The following NEB variants were observed in gnomAD, a reference collection of about 807,000 sequenced individuals.
NEB encodes the protein nemaline myopathy type 2.
Under a neutral mutation model 952.2 loss-of-function variants are expected in NEB, and 512 were observed. The observed-to-expected ratio is 0.54, with a 90% confidence interval of 0.50 to 0.58. NEB has a LOEUF of 0.58. Among genes scored for constraint, NEB ranks in the 20% least tolerant of loss-of-function variants. The probability of loss-of-function intolerance (pLI) is 0.00; values close to 1 mark genes in which losing one functional copy is unlikely to be tolerated. For missense variants in NEB, 8,428 were observed against 9,231.1 expected (o/e 0.91, Z 3.56); for synonymous variants, 2,900 against 3,149.8 (o/e 0.92, Z 2.66).
At chr2:151,677,228 T>A (rs189775542) in intron 34 of NEB, among the ~76,000 whole-genome samples, 2 of 152,340 alleles carry the variant, frequency 1.3e-5, no homozygotes, top group East Asian at 3.9e-4. Context: ...CAATAAAGTG[T>A]CTGGGATTTA....
At chr2:151,639,627 T>C (rs1308041304) in intron 62 of NEB, among the ~76,000 whole-genome samples, 2 of 152,222 alleles carry the variant, frequency 1.3e-5, no homozygotes, top group African/African-American at 4.8e-5. Context: ...TTATGCAGAC[T>C]ATTTTTTGAT....
At chr2:151,721,239 T>C (rs939680047) in intron 9 of NEB, among the ~76,000 whole-genome samples, 84 of 152,356 alleles carry the variant, frequency 5.5e-4, no homozygotes, top group African/African-American at 2.0e-3. Context: ...TCATCAAAAT[T>C]ACTCCAGATT....
intron 156 of NEB, 53 bp downstream of exon 156, chr2:151,518,265 T>C (rs942118274): frequency 3.1e-6 from 4 of 1,286,872 alleles, no homozygotes; most frequent in African/African-American, 2.9e-5. Flanking sequence ...TTTTTTCACA[T>C]TGTACTGTGG....
intron 172 of NEB, 151 bp downstream of exon 172, chr2:151,496,790 A>G (rs767228123): frequency 1.9e-6 from 2 of 1,066,714 alleles, no homozygotes; most frequent in Non-Finnish European, 2.7e-6. Context: ...GTGTTAGGCT[A>G]GAAGTAGCCC....
intron 130 of NEB, among the ~76,000 whole-genome samples, chr2:151,549,269 TC>T (rs2095083364): frequency 6.6e-6 from 1 of 152,180 alleles, no homozygotes; most frequent in African/African-American, 2.4e-5. Flanking sequence ...GACAATACTA[TC>T]ACCACACCTC....
chr2:151,723,377 C>T lies in NEB; in HGVS notation c.717+5G>A, dbSNP rs1412295039. The T allele has an allele frequency of 4.4e-6, 7 of 1,601,378 alleles. No homozygotes were observed. Among genetic ancestry groups the T allele is most frequent in the Non-Finnish European group, 4.3e-6 (5 of 1,173,340 alleles). Reference sequence around the variant, plus strand: ...CCTAAGTGGTGCCACTTGCATTTCACTTACATCACTGAGAGCTTTCTGGGC... The same window carrying T: ...CCTAAGTGGTGCCACTTGCATTTCATTTACATCACTGAGAGCTTTCTGGGC... On this transcript the variant is annotated splice_donor_5th_base_variant and intron_variant, in intron 9 of 181. Coordinates refer to ENST00000397345, the MANE Select transcript of NEB (RefSeq NM_001164508.2).
intron 160 of NEB, 119 bp downstream of exon 160, chr2:151,513,461 C>T: frequency 1.4e-6 from 1 of 726,474 alleles, no homozygotes; most frequent in Non-Finnish European, 2.3e-6. Flanking sequence ...GGCAGATGTT[C>T]AAGAATGCCA....
intron 130 of NEB, among the ~76,000 whole-genome samples, chr2:151,548,905 C>T (rs889554506): frequency 3.3e-5 from 5 of 152,108 alleles, no homozygotes; most frequent in African/African-American, 1.2e-4. Flanking sequence ...AGGTTTGATT[C>T]CCAGGAATAT....
Position 151,717,437 on chromosome 2 carries a change from T to G in NEB, c.801A>C (p.Lys267Asn), listed in dbSNP as rs1362281300. The change falls in exon 10 of 182, where the codon AAA becomes AAC. Residue 267 changes from lysine (K) to asparagine (N), a missense_variant. Around this residue, in one of 11 missense-constraint regions of NEB, gnomAD observed 2,851 missense variants for 2,791.5 expected, o/e 1.02. Transcript: ENST00000397345. ...TTACCTTGCTCACTTGATTGGTTAC[T>G]TTCTTGGCAAATTCTATATCTGGAG... ...ADPPDIEFAKKVTNQVSKQKY... is the reference protein window; with the variant it reads ...ADPPDIEFAKNVTNQVSKQKY... 6.2e-7 allele frequency: 1 copy of G among 1,613,588 alleles called. No homozygotes were observed. The highest frequency in any genetic ancestry group is 1.3e-5 in the African/African-American group (1 of 75,070).
chr2:151,627,931 T>C (rs574324297), intron 68 of NEB, 97 bp from the exon 69 acceptor site: 251 of 1,425,714 alleles, frequency 1.8e-4, no homozygotes, highest in Non-Finnish European at 2.2e-4. Flanking sequence ...TGCTAATTCT[T>C]GCAGAGTAAT....
intron 13 of NEB, among the ~76,000 whole-genome samples, chr2:151,702,590 T>C (rs1360606093): frequency 6.6e-6 from 1 of 151,728 alleles, no homozygotes; most frequent in Non-Finnish European, 1.5e-5. Context: ...TTAGCTCTTC[T>C]TGTGGAATTG....
At chr2:151,577,191 C>T (rs891557679) in intron 105 of NEB, among the ~76,000 whole-genome samples, 5 of 152,134 alleles carry the variant, frequency 3.3e-5, no homozygotes, top group African/African-American at 4.8e-5. Context: ...TATGGCTTCC[C>T]ATCGGTCATA....
intron 72 of NEB, 56 bp downstream of exon 72, chr2:151,620,863 G>C: frequency 7.6e-7 from 1 of 1,323,484 alleles, no homozygotes; most frequent in Non-Finnish European, 1.1e-6. Flanking sequence ...ACATCCAGCT[G>C]TATTCTGTGT....
chr2:151,627,101 A>G lies in NEB; in HGVS notation c.10248T>C (p.Asp3416=). 6.2e-7 allele frequency: 1 copy of G among 1,613,954 alleles called. No homozygotes were observed. Among genetic ancestry groups the G allele is most frequent in the Non-Finnish European group, 8.5e-7 (1 of 1,179,860 alleles). The change falls in exon 70 of 182, where the codon GAT becomes GAC. Residue 3416 remains aspartate, a synonymous_variant. Coordinates refer to ENST00000397345, the MANE Select transcript of NEB (RefSeq NM_001164508.2). ...TGTCCGGAGGCTGGCGGTAGATGTT[A>G]TCACTCAGTATTTCAGCAGCTCTCT... ...KCKRAAEILS[D]NIYRQPPDKL...
intron 46 of NEB, among the ~76,000 whole-genome samples, chr2:151,661,237 A>C (rs1259622616): frequency 6.6e-6 from 1 of 152,176 alleles, no homozygotes; most frequent in Non-Finnish European, 1.5e-5. Flanking sequence ...CACTGAAAAA[A>C]ATAGATATCC....
intron 175 of NEB, 43 bp from the exon 176 acceptor site, chr2:151,493,488 AC>A (rs776869237): frequency 7.5e-7 from 1 of 1,337,602 alleles, no homozygotes; most frequent in African/African-American, 1.5e-5. Flanking sequence ...ACAGCAGAAA[AC>A]CAGGTCTGAA....
intron 42 of NEB, 41 bp downstream of exon 42, chr2:151,665,292 C>T: frequency 6.3e-7 from 1 of 1,588,402 alleles, no homozygotes; most frequent in Non-Finnish European, 8.6e-7. Context: ...TCATGAACAC[C>T]ATGAGGGTTC....
intron 142 of NEB, 27 bp from the exon 143 acceptor site, chr2:151,533,573 C>G: frequency 1.5e-6 from 2 of 1,368,100 alleles, no homozygotes; most frequent in Non-Finnish European, 2.0e-6. Flanking sequence ...CAGTGAAGCA[C>G]AAAAGAGACT....
At position 151,492,492 on chromosome 2, in the gene NEB, A is replaced by G; in HGVS notation, c.24768T>C (p.Val8256=). The G allele has an allele frequency of 6.2e-7, 1 of 1,607,918 alleles. No individual in the cohort carries two copies. The highest frequency in any genetic ancestry group is 8.5e-7 in the Non-Finnish European group (1 of 1,174,836). ...GTTTCCGGAAACTATCAGAATAAAGAACCTGATGCAGGAGAGACCGTGAAT... is the reference window on the plus strand; with the variant it reads ...GTTTCCGGAAACTATCAGAATAAAGGACCTGATGCAGGAGAGACCGTGAAT... The part of the protein sequence containing the change: ...AKRNQENISS[V]LYSDSFRKQI... Residue 8256 remains valine, a splice_region_variant and synonymous_variant, in exon 177 of 182, where the codon GTT becomes GTC. Transcript: ENST00000397345.
Sources: gnomAD v4.1 joint callset for allele counts (sites outside exome capture counted in the v4.1 genomes callset) on GRCh38, gnomAD v4.1.1 for gene constraint, gnomAD v4.1.1 regional missense constraint, MANE v1.5 for transcripts, NCBI Gene and HGNC (gene_info 2026-07-23, HGNC 2026-07-21) for gene names.